The following TRAPPC9 variants were observed in gnomAD, a reference collection of about 807,000 sequenced individuals.
The protein encoded by TRAPPC9 is IKK2 binding protein.
A neutral mutation model predicts 124.0 loss-of-function variants in TRAPPC9; 83 were observed. That is an observed-to-expected ratio of 0.67 (90% confidence interval 0.56 to 0.80). The LOEUF is 0.80. TRAPPC9 is among the 30% of genes least tolerant of loss of function. The pLI is 0.00. For synonymous variants in TRAPPC9, 638 were observed against 617.5 expected (o/e 1.03, Z -0.49); for missense variants, 1,302 against 1,508.3 (o/e 0.86, Z 2.27).
chr8:139,744,080 T>C (rs1818733027), intron 21 of TRAPPC9, among the ~76,000 whole-genome samples: 1 of 152,222 alleles, frequency 6.6e-6, no homozygotes, highest in South Asian at 2.1e-4. Context: ...CAGGTACGCA[T>C]GAACACGCAC....
rs552260314 is a variant in TRAPPC9 at position 140,055,565 on chromosome 8, G to A, written c.2557-31486C>T. 2.4e-4 allele frequency among the ~76,000 whole-genome samples: 37 copies of A among 152,262 alleles called. No homozygotes were observed. The South Asian group carries it at 3.3e-3, about 14-fold the overall frequency. On this transcript the variant is annotated intron_variant, in intron 17 of 22. Transcript: ENST00000438773. Reference sequence around the variant, plus strand: ...AAACAAATAAAAGGCATCCAAATCAGAAGAGATGTAAAATTATTTCTGCAG... The same window carrying A: ...AAACAAATAAAAGGCATCCAAATCAAAAGAGATGTAAAATTATTTCTGCAG...
chr8:140,090,109 A>G (rs1202109702), intron 17 of TRAPPC9, among the ~76,000 whole-genome samples: 1 of 152,042 alleles, frequency 6.6e-6, no homozygotes, highest in East Asian at 1.9e-4. Context: ...AACAACAAAA[A>G]TAAGGGCAGG....
chr8:140,191,904 C>A (rs2062499101), intron 17 of TRAPPC9, among the ~76,000 whole-genome samples: 2 of 152,294 alleles, frequency 1.3e-5, no homozygotes, highest in East Asian at 3.9e-4. Context: ...TCCTCCCCTA[C>A]CCTTTCCAAC....
chr8:140,232,075 G>GT (rs869114265), intron 16 of TRAPPC9, among the ~76,000 whole-genome samples: 5 of 150,974 alleles, frequency 3.3e-5, no homozygotes, highest in Admixed American at 2.0e-4. Flanking sequence ...TGCCCAGCCT[G>GT]TTTTTTTTAA....
At chr8:139,932,835 TAAG>T (rs1439355368) in intron 19 of TRAPPC9, 1 of 311,932 alleles carries the variant, frequency 3.2e-6, no homozygotes, top group Admixed American at 4.6e-5. Context: ...ACATGTAATG[TAAG>T]AAGATGTCAA....
intron 21 of TRAPPC9, among the ~76,000 whole-genome samples, chr8:139,859,511 T>C (rs1828000396): frequency 6.6e-6 from 1 of 152,244 alleles, no homozygotes; most frequent in Non-Finnish European, 1.5e-5. Context: ...GGAAAATTCA[T>C]GCTTCTCCCT....
intron 9 of TRAPPC9, among the ~76,000 whole-genome samples, chr8:140,323,685 G>C (rs1425788919): frequency 1.3e-5 from 2 of 152,074 alleles, no homozygotes; most frequent in African/African-American, 2.4e-5. Context: ...AAAACACTTT[G>C]AGTGTGTTTT....
intron 6 of TRAPPC9, among the ~76,000 whole-genome samples, chr8:140,404,283 C>T (rs2069391600): frequency 6.6e-6 from 1 of 151,862 alleles, no homozygotes; most frequent in South Asian, 2.1e-4. Context: ...AATATAGGGG[C>T]AAAAATGTTC....
chr8:139,796,916 C>T (rs914320382), intron 21 of TRAPPC9, among the ~76,000 whole-genome samples: 54 of 152,176 alleles, frequency 3.5e-4, no homozygotes, highest in African/African-American at 1.2e-3. Flanking sequence ...TGTTACTATC[C>T]GTCTTTTTGA....
chr8:140,216,827 G>A lies in TRAPPC9; in HGVS notation c.2556+4632C>T, dbSNP rs981262174. ...TCACAGGCCTTCCTCGACTTCCTCC[G>A]TGCAGCCATAGCAACGAGGATCACC... On this transcript the variant is annotated intron_variant, in intron 17 of 22. Coordinates refer to ENST00000438773, the MANE Select transcript of TRAPPC9 (RefSeq NM_001160372.4). This position sits in a 1 kb window ranked among gnomAD's most constrained non-coding sequence, Gnocchi z 4.1. Among the ~76,000 whole-genome samples, 5 of 152,108 alleles carry A rather than the reference G, an allele frequency of 3.3e-5. No individual in the cohort carries two copies. The highest frequency in any genetic ancestry group is 9.7e-5 in the African/African-American group (4 of 41,394).
intron 19 of TRAPPC9, among the ~76,000 whole-genome samples, chr8:139,973,952 C>T (rs755207181): frequency 2.0e-5 from 3 of 152,124 alleles, no homozygotes; most frequent in African/African-American, 2.4e-5. Flanking sequence ...TCTATAAGGA[C>T]GAATGGCAGG....
intron 19 of TRAPPC9, among the ~76,000 whole-genome samples, chr8:139,974,632 CCCAGGGCCCTGGGCCCACTAA>C (rs1310829085): frequency 1.3e-5 from 2 of 152,128 alleles, no homozygotes; most frequent in African/African-American, 4.8e-5. Context: ...CCAGCTGGGG[CCCAGGGCCCTGGGCCCACTAA>C]AGCATCCCTG....
chr8:140,178,704 T>C (rs2062128724), intron 17 of TRAPPC9, among the ~76,000 whole-genome samples: 1 of 152,154 alleles, frequency 6.6e-6, no homozygotes, highest in African/African-American at 2.4e-5. Flanking sequence ...TATTTCCTCT[T>C]TATTATAATG....
intron 19 of TRAPPC9, among the ~76,000 whole-genome samples, chr8:139,920,207 G>A (rs933754043): frequency 2.0e-5 from 3 of 152,144 alleles, no homozygotes; most frequent in Non-Finnish European, 2.9e-5. Flanking sequence ...TTAGCCAGGC[G>A]TGGTGGCGCG....
chr8:139,923,875 T>C (rs1293212865), intron 19 of TRAPPC9, among the ~76,000 whole-genome samples: 1 of 152,224 alleles, frequency 6.6e-6, no homozygotes, highest in Non-Finnish European at 1.5e-5. Context: ...TCAGTAGCTA[T>C]TAGTTTAAAA....
chr8:139,754,967 C>T lies in TRAPPC9; in HGVS notation c.3056-22765G>A, dbSNP rs375013638. On this transcript the variant is annotated intron_variant, in intron 21 of 22. Coordinates refer to ENST00000438773, the MANE Select transcript of TRAPPC9 (RefSeq NM_001160372.4). The stretch of plus-strand genomic sequence containing the variant: ...GAAACCCCAGGAGCTGTGCGGCACA[C>T]GGAGCTGTCACTGCCAGGGGCCCTG... Among the ~76,000 whole-genome samples the T allele has an allele frequency of 1.7e-3, 260 of 152,378 alleles. 5 individuals are homozygous for T. The South Asian group carries it at 0.047, about 28-fold the overall frequency.
rs960070224 is a variant in TRAPPC9 at position 139,962,071 on chromosome 8, T to G, written c.2810+26655A>C. ...CCAGGGCCTCTTCTCTGCTGAGAAC[T>G]GAACACTTGAAGGATGACTTGCCTA... On this transcript the variant is annotated intron_variant, in intron 19 of 22. Coordinates refer to ENST00000438773, the MANE Select transcript of TRAPPC9 (RefSeq NM_001160372.4). Among the ~76,000 whole-genome samples the G allele has an allele frequency of 2.7e-3, 340 of 124,438 alleles. 38 individuals are homozygous for G. The highest frequency in any genetic ancestry group is 8.1e-3 in the African/African-American group (317 of 39,292). The allele number at this position is 124,438 out of a possible 152,430, so 81.6% of individuals were successfully genotyped here.
intron 17 of TRAPPC9, among the ~76,000 whole-genome samples, chr8:140,145,550 T>C (rs2061449879): frequency 6.6e-6 from 1 of 152,202 alleles, no homozygotes; most frequent in South Asian, 2.1e-4. Context: ...TTTTCCTCAA[T>C]CAATCTGCTA....
chr8:139,839,903 A>C (rs1259842829), intron 21 of TRAPPC9, among the ~76,000 whole-genome samples: 2 of 152,214 alleles, frequency 1.3e-5, no homozygotes, highest in Non-Finnish European at 2.9e-5. Flanking sequence ...CTTTCACGGC[A>C]GTTTTCTACG....
Sources: gnomAD v4.1 joint callset for allele counts (sites outside exome capture counted in the v4.1 genomes callset) on GRCh38, gnomAD v4.1.1 for gene constraint, Gnocchi (gnomAD v3.1) non-coding constraint, MANE v1.5 for transcripts, NCBI Gene and HGNC (gene_info 2026-07-23, HGNC 2026-07-21) for gene names.